Variants in CDC73 observed in about 807,000 individuals in gnomAD.
CDC73 encodes the protein parafibromin.
Under a neutral mutation model 83.7 loss-of-function variants are expected in CDC73, and 21 were observed. The ratio of observed to expected loss-of-function variants is 0.25; its 90% confidence interval spans 0.18 to 0.36. The LOEUF (loss-of-function observed/expected upper bound fraction) is 0.36, where lower values mean the gene tolerates loss of function less well. CDC73 is among the 10% of genes least tolerant of loss of function. The pLI is 1.00. For synonymous variants in CDC73, 224 were observed against 212.9 expected (o/e 1.05, Z -0.45); for missense variants, 342 against 653.3 (o/e 0.52, Z 5.19).
intron 10 of CDC73, chr1:193,179,772 T>A (rs541169853): frequency 6.5e-6 from 1 of 152,726 alleles, no homozygotes; most frequent in South Asian, 2.1e-4. Context: ...ATCTGAACTT[T>A]ATAATGTGTT....
intron 10 of CDC73, among the ~76,000 whole-genome samples, chr1:193,195,514 A>G (rs1421820994): frequency 6.6e-6 from 1 of 152,090 alleles, no homozygotes; most frequent in Admixed American, 6.5e-5. Flanking sequence ...GGATATATAT[A>G]CTCAAACAGA....
At chr1:193,172,496 G>C (rs1676532814) in intron 10 of CDC73, among the ~76,000 whole-genome samples, 1 of 152,042 alleles carries the variant, frequency 6.6e-6, no homozygotes, top group Non-Finnish European at 1.5e-5. Context: ...AGCCTTTTAT[G>C]TGTTCCTACC....
chr1:193,233,225 T>G (rs1437249320), intron 14 of CDC73, 71 bp downstream of exon 14: 1 of 1,393,308 alleles, frequency 7.2e-7, no homozygotes, highest in Non-Finnish European at 1.0e-6. Flanking sequence ...GTTATTGCCG[T>G]TGATGACGTT....
chr1:193,192,327 C>T (rs1332071010), intron 10 of CDC73, among the ~76,000 whole-genome samples: 1 of 152,184 alleles, frequency 6.6e-6, no homozygotes, highest in Non-Finnish European at 1.5e-5. Context: ...CCTGTAATCC[C>T]AGCTACCTGG....
intron 8 of CDC73, 127 bp downstream of exon 8, chr1:193,148,092 A>C: frequency 1.4e-6 from 1 of 725,324 alleles, no homozygotes; most frequent in Non-Finnish European, 2.5e-6. Flanking sequence ...CCTTTAGCAT[A>C]TCTGAAAGAT....
chr1:193,192,560 T>C (rs1257372634), intron 10 of CDC73, among the ~76,000 whole-genome samples: 1 of 152,240 alleles, frequency 6.6e-6, no homozygotes, highest in Non-Finnish European at 1.5e-5. Context: ...TGTAGCCATC[T>C]TCAGTATGAT....
intron 13 of CDC73, among the ~76,000 whole-genome samples, chr1:193,229,656 C>G (rs1214749355): frequency 6.6e-6 from 1 of 152,204 alleles, no homozygotes; most frequent in Non-Finnish European, 1.5e-5. Flanking sequence ...CCTGAACGTA[C>G]TAAGACACAC....
At position 193,212,110 on chromosome 1, in the gene CDC73, T is replaced by C. The variant is rs376113810; in HGVS notation, c.1066+10T>C. ...CCAAATCAGAAGAAAGGTGAGGTTG[T>C]GCATATGATTTTAAACTTAACTTTA... On this transcript the variant is annotated intron_variant, in intron 12 of 16. Transcript: ENST00000367435. 1.8e-4 allele frequency: 289 copies of C among 1,573,414 alleles called. 1 individual carries two copies. Among genetic ancestry groups the C allele is most frequent in the Non-Finnish European group, 2.4e-4 (274 of 1,153,388 alleles).
rs184789846 is a variant in CDC73 at position 193,250,639 on chromosome 1, C to G, written c.1560-37C>G. 562 of 1,487,102 alleles carry G rather than the reference C, an allele frequency of 3.8e-4. 1 individual carries two copies. The African/African-American group carries it at 6.8e-3, about 18-fold the overall frequency. 92.1% of individuals were successfully genotyped at this position (1,487,102 alleles called of 1,614,324 possible). On this transcript the variant is annotated intron_variant, in intron 16 of 16. Coordinates refer to ENST00000367435, the MANE Select transcript of CDC73 (RefSeq NM_024529.5). The stretch of plus-strand genomic sequence containing the variant: ...CATTATTCTAAAAATTCTAAAATTC[C>G]TATAGTCATTATAACCTACCATAAT...
chr1:193,142,794 A>G (rs1675929528), intron 7 of CDC73, among the ~76,000 whole-genome samples: 1 of 152,208 alleles, frequency 6.6e-6, no homozygotes, highest in African/African-American at 2.4e-5. Context: ...TTGCTGGTTA[A>G]AGGAGATATG....
intron 10 of CDC73, among the ~76,000 whole-genome samples, chr1:193,170,025 A>G (rs1026754693): frequency 6.6e-6 from 1 of 151,996 alleles, no homozygotes; most frequent in Admixed American, 6.6e-5. Context: ...TTTAGCTGCC[A>G]CTTATACGTG....
intron 10 of CDC73, among the ~76,000 whole-genome samples, chr1:193,160,227 A>G (rs1676285496): frequency 6.6e-6 from 1 of 152,172 alleles, no homozygotes. Context: ...TAATGCCACA[A>G]TCACAAAACA....
rs772529728 is a variant in CDC73, at chr1:193,141,964, A to G, written c.627A>G (p.Lys209=). ...TAGATGATGACATAACTGCCCTTAAACAGAGGAGTTTTGTGGATGCTGAGG... is the reference window on the plus strand; with the variant it reads ...TAGATGATGACATAACTGCCCTTAAGCAGAGGAGTTTTGTGGATGCTGAGG... ...TDLDDDITAL[K]QRSFVDAEVD... Residue 209 remains lysine, a synonymous_variant, in exon 7 of 17, where the codon AAA becomes AAG. Transcript: ENST00000367435. 1 of 1,613,866 alleles carries G rather than the reference A, an allele frequency of 6.2e-7. No homozygotes were observed. The highest frequency in any genetic ancestry group is 1.1e-5 in the South Asian group (1 of 91,074).
chr1:193,207,949 C>A (rs1677217443), intron 11 of CDC73, among the ~76,000 whole-genome samples: 1 of 152,184 alleles, frequency 6.6e-6, no homozygotes, highest in Non-Finnish European at 1.5e-5. Flanking sequence ...AATTTGTTAT[C>A]TCCAATTCAA....
At chr1:193,250,641 A>T in intron 16 of CDC73, 35 bp from the exon 17 acceptor site, 1 of 1,494,412 alleles carries the variant, frequency 6.7e-7, no homozygotes, top group Non-Finnish European at 9.3e-7. Context: ...TAAAATTCCT[A>T]TAGTCATTAT....
intron 10 of CDC73, among the ~76,000 whole-genome samples, chr1:193,161,626 AG>A (rs1676311754): frequency 4.4e-5 from 2 of 45,892 alleles, no homozygotes; most frequent in African/African-American, 1.8e-4. Flanking sequence ...ATTATATGAT[AG>A]ATATATAATA....
chr1:193,162,495 C>T (rs1279534140), intron 10 of CDC73, among the ~76,000 whole-genome samples: 1 of 150,972 alleles, frequency 6.6e-6, no homozygotes, highest in African/African-American at 2.4e-5. Context: ...GCCTCAGCCT[C>T]CTGAGTAGCT....
chr1:193,190,441 T>C (rs1676900258), intron 10 of CDC73, among the ~76,000 whole-genome samples: 1 of 152,232 alleles, frequency 6.6e-6, no homozygotes. Context: ...TAAAAGCTTG[T>C]AATTTTCCTC....
chr1:193,250,841 A>T lies in CDC73; in HGVS notation c.*129A>T, dbSNP rs571060685. 64 of 837,734 alleles carry T rather than the reference A, an allele frequency of 7.6e-5. No homozygotes were observed. In the African/African-American group the frequency reaches 8.4e-4, roughly 11 times the overall value. The allele number at this position is 837,734 out of a possible 1,614,324, so 51.9% of individuals were successfully genotyped here. A position where few individuals can be genotyped will look rare whatever the true frequency, so the allele number is the denominator to read the frequency against. ...ATTTGATGCTTTGTGCTTCAAGGAG[A>T]TGATACCTGTCATCCATATAAGCAA... On this transcript the variant is annotated 3_prime_UTR_variant, in exon 17 of 17. Transcript: ENST00000367435.
Sources: allele counts gnomAD v4.1 joint callset (sites outside exome capture counted in the v4.1 genomes callset), GRCh38; gene constraint gnomAD v4.1.1; transcripts MANE v1.5; gene names NCBI Gene and HGNC (gene_info 2026-07-23, HGNC 2026-07-21).